Variants in PAPSS1 observed in about 807,000 individuals in gnomAD.
PAPSS1 encodes 3'-phosphoadenosine 5'-phosphosulfate synthase 1, also known as bifunctional 3'-phosphoadenosine 5'-phosphosulfate synthase 1.
Under a neutral mutation model 72.0 loss-of-function variants are expected in PAPSS1, and 50 were observed. The observed-to-expected ratio is 0.69, with a 90% CI of 0.55 to 0.88. PAPSS1 has a LOEUF of 0.88. Among genes scored for constraint, PAPSS1 ranks in the 40% least tolerant of loss-of-function variants. The pLI is 0.00. For synonymous variants in PAPSS1, 261 were observed against 263.6 expected (o/e 0.99, Z 0.09); for missense variants, 657 against 782.2 (o/e 0.84, Z 1.91).
At chr4:107,675,067 CACAAGGAA>C (rs1727600486) in intron 5 of PAPSS1, among the ~76,000 whole-genome samples, 1 of 151,846 alleles carries the variant, frequency 6.6e-6, no homozygotes, top group Admixed American at 6.6e-5. Flanking sequence ...ACTAAATGCC[CACAAGGAA>C]AAGCAGGAAA....
intron 4 of PAPSS1, among the ~76,000 whole-genome samples, chr4:107,682,874 A>C (rs1560583725): frequency 6.6e-6 from 1 of 152,240 alleles, no homozygotes; most frequent in Non-Finnish European, 1.5e-5. Flanking sequence ...ATGAACTACT[A>C]TTTGCTTAAA....
intron 1 of PAPSS1, among the ~76,000 whole-genome samples, chr4:107,712,081 C>T (rs370338789): frequency 6.6e-5 from 10 of 152,154 alleles, no homozygotes; most frequent in African/African-American, 2.2e-4. Flanking sequence ...ATACACATTA[C>T]GGCTCTCCAA....
intron 3 of PAPSS1, among the ~76,000 whole-genome samples, chr4:107,692,361 A>G (rs1722948241): frequency 1.3e-5 from 2 of 152,354 alleles, no homozygotes; most frequent in South Asian, 4.1e-4. Context: ...GAAGACATAC[A>G]TGCAGCCAAC....
intron 2 of PAPSS1, among the ~76,000 whole-genome samples, chr4:107,697,712 T>C (rs112265021): frequency 0.017 from 2,517 of 152,282 alleles, 74 homozygotes; most frequent in African/African-American, 0.057. Context: ...ATCTAAGATA[T>C]GGATAACTGG....
chr4:107,682,263 G>A (rs1703754764), intron 4 of PAPSS1, 130 bp from the exon 5 acceptor site: 3 of 422,886 alleles, frequency 7.1e-6, no homozygotes, highest in South Asian at 7.8e-5. Flanking sequence ...CTATAGTAAT[G>A]AAGCATCTTT....
At chr4:107,631,599 T>G in intron 11 of PAPSS1, 32 bp downstream of exon 11, 1 of 1,501,884 alleles carries the variant, frequency 6.7e-7, no homozygotes, top group South Asian at 1.2e-5. Flanking sequence ...ACGAAGTACT[T>G]CAAAGATTTG....
In PAPSS1 at chr4:107,614,350, G is replaced by A. The variant is rs374190069; in HGVS notation, c.1774C>T (p.Arg592Cys). ...TTCTGGCCTTCTCGAGCAAGTTTGC[G>A]CATTCGTGTTCCTGAAATAAATTCA... Reference protein sequence around the residue: ...DFEFISGTRMRKLAREGQKPP... With the variant: ...DFEFISGTRMCKLAREGQKPP... Residue 592 changes from arginine (R) to cysteine (C), a missense_variant, in exon 12 of 12, where the codon CGC becomes TGC. Arg to Cys is a radical substitution (Grantham distance 180, BLOSUM62 -3). Around this residue, in one of 7 missense-constraint regions of PAPSS1, gnomAD observed 103 missense variants for 93.8 expected, o/e 1.10. Coordinates refer to ENST00000265174, the MANE Select transcript of PAPSS1 (RefSeq NM_005443.5). The A allele has an allele frequency of 2.6e-5, 42 of 1,613,570 alleles. No homozygotes were observed. Among genetic ancestry groups the A allele is most frequent in the Middle Eastern group, 1.6e-4 (1 of 6,084 alleles).
intron 11 of PAPSS1, among the ~76,000 whole-genome samples, chr4:107,625,417 G>A (rs1285047888): frequency 6.6e-6 from 1 of 152,164 alleles, no homozygotes; most frequent in East Asian, 1.9e-4. Context: ...TGCAACATGA[G>A]GGAGGTTCTA....
chr4:107,709,062 G>A (rs1231275128), intron 1 of PAPSS1, among the ~76,000 whole-genome samples: 1 of 152,180 alleles, frequency 6.6e-6, no homozygotes, highest in Non-Finnish European at 1.5e-5. Context: ...CTACCATGCA[G>A]CTGCACTGGA....
intron 7 of PAPSS1, among the ~76,000 whole-genome samples, 180 bp from the exon 8 acceptor site, chr4:107,655,080 G>A (rs1726964221): frequency 6.8e-6 from 1 of 147,218 alleles, no homozygotes; most frequent in African/African-American, 2.5e-5. Flanking sequence ...TAAGGTCAGG[G>A]AGAATGAGCA....
intron 1 of PAPSS1, 42 bp from the exon 2 acceptor site, chr4:107,701,327 C>T (rs1396118066): frequency 1.6e-6 from 2 of 1,212,498 alleles, no homozygotes; most frequent in Non-Finnish European, 2.4e-6. Context: ...TACATGAGTC[C>T]TTTAAAAGGC....
chr4:107,716,962 A>G lies in PAPSS1; in HGVS notation c.60+3158T>C, dbSNP rs141623144. 1.5e-3 allele frequency among the ~76,000 whole-genome samples: 232 copies of G among 152,248 alleles called. 1 individual carries two copies. The highest frequency in any genetic ancestry group is 5.4e-3 in the African/African-American group (226 of 41,542). On this transcript the variant is annotated intron_variant, in intron 1 of 11. Transcript: ENST00000265174. ...TACTTTCCTTATATTCTTTAACTCA[A>G]ATTTAACTATGAAACCTTTACTTCC... is the stretch of plus-strand genomic sequence containing the variant.
intron 6 of PAPSS1, among the ~76,000 whole-genome samples, 168 bp downstream of exon 6, chr4:107,659,791 C>T (rs1358306191): frequency 6.6e-6 from 1 of 152,082 alleles, no homozygotes; most frequent in African/African-American, 2.4e-5. Context: ...CATGGTTGCA[C>T]AAATTAAACA....
chr4:107,673,421 C>G (rs1245307500), intron 5 of PAPSS1, among the ~76,000 whole-genome samples: 1 of 152,028 alleles, frequency 6.6e-6, no homozygotes, highest in Non-Finnish European at 1.5e-5. Flanking sequence ...AATGCAGAAG[C>G]CTCAGTAGCC....
Position 107,654,795 on chromosome 4 carries a change from C to T in PAPSS1, c.1001G>A (p.Arg334His), listed in dbSNP as rs752110118. Reference protein sequence around the residue: ...TAFALMYEGRRVAILRNPEFF... With the variant: ...TAFALMYEGRHVAILRNPEFF... ...CTCTGGATTGCGAAGAATGGCCACA[C>T]GGCGGCCCTCATACATCAGAGCAAA... The change falls in exon 8 of 12, where the codon CGT (arginine) becomes CAT (histidine). Residue 334 changes from arginine (R) to histidine (H), a missense_variant. By Grantham distance (29) the Arg-to-His change is conservative. This residue lies in a region of PAPSS1 where 190 missense variants were observed against 176.7 expected (regional missense o/e 1.07). Coordinates refer to ENST00000265174, the MANE Select transcript of PAPSS1 (RefSeq NM_005443.5). The T allele has an allele frequency of 6.2e-6, 10 of 1,613,862 alleles. No homozygotes were observed. Among genetic ancestry groups the T allele is most frequent in the Middle Eastern group, 1.6e-4 (1 of 6,078 alleles).
At chr4:107,650,275 A>C (rs960782549) in intron 9 of PAPSS1, among the ~76,000 whole-genome samples, 1 of 152,246 alleles carries the variant, frequency 6.6e-6, no homozygotes, top group Non-Finnish European at 1.5e-5. Flanking sequence ...CTCAGTATAA[A>C]AATGGAAAAA....
At chr4:107,634,306 G>A (rs563931914) in intron 10 of PAPSS1, among the ~76,000 whole-genome samples, 176 of 152,210 alleles carry the variant, frequency 1.2e-3, no homozygotes, top group Non-Finnish European at 2.1e-3. Flanking sequence ...GTAAGCCACC[G>A]TGCCTGGCCA....
intron 1 of PAPSS1, among the ~76,000 whole-genome samples, chr4:107,709,900 C>T (rs1257532596): frequency 6.6e-6 from 1 of 152,242 alleles, no homozygotes; most frequent in Non-Finnish European, 1.5e-5. Flanking sequence ...ATGAATTAAA[C>T]TCTTTCTCTA....
intron 11 of PAPSS1, among the ~76,000 whole-genome samples, chr4:107,622,850 ACT>A (rs1403178927): frequency 6.6e-6 from 1 of 151,948 alleles, no homozygotes; most frequent in African/African-American, 2.4e-5. Context: ...TTCCATTAAA[ACT>A]CTCTGCCCAT....
Sources: gnomAD v4.1 joint callset for allele counts (sites outside exome capture counted in the v4.1 genomes callset) on GRCh38, gnomAD v4.1.1 for gene constraint, gnomAD v4.1.1 regional missense constraint, MANE v1.5 for transcripts, NCBI Gene and HGNC (gene_info 2026-07-23, HGNC 2026-07-21) for gene names.